Variants in SCFD2 observed in about 807,000 individuals in gnomAD.
SCFD2 encodes sec1 family domain containing 2, also known as sec1 family domain-containing protein 2.
A neutral mutation model predicts 58.9 loss-of-function variants in SCFD2; 54 were observed. The observed-to-expected ratio is 0.92, with a 90% CI of 0.74 to 1.15. The LOEUF (loss-of-function observed/expected upper bound fraction) is 1.15, where lower values mean the gene tolerates loss of function less well. Ranked by LOEUF, SCFD2 falls within the 50% of genes most tolerant of loss-of-function variation. SCFD2 has a pLI of 0.00. For missense variants in SCFD2, 805 were observed against 836.6 expected (o/e 0.96, Z 0.47); for synonymous variants, 321 against 335.9 (o/e 0.96, Z 0.49).
chr4:53,025,593 A>C (rs896791851), intron 5 of SCFD2, among the ~76,000 whole-genome samples: 3 of 152,210 alleles, frequency 2.0e-5, no homozygotes, highest in African/African-American at 7.2e-5. Context: ...ATGCCATCTC[A>C]GCATGTTCTG....
rs766855803 is a variant in SCFD2 at position 53,365,855 on chromosome 4, G to A, written c.87C>T (p.Asp29=). ...AKVKRAVVYL[D]AACAESLHWG... ...AGTGCAGGCTCTCGGCGCAGGCGGC[G>A]TCCAGGTAAACCACAGCCCGTTTCA... is the stretch of plus-strand genomic sequence containing the variant. Residue 29 remains aspartate, a synonymous_variant, in exon 1 of 9, where the codon GAC becomes GAT. Coordinates refer to ENST00000401642, the MANE Select transcript of SCFD2 (RefSeq NM_152540.4). The surrounding 1 kb of genome is among the most constrained non-coding windows in gnomAD (Gnocchi z 4.3). 34 of 1,612,352 alleles carry A rather than the reference G, an allele frequency of 2.1e-5. No individual in the cohort carries two copies. The highest frequency in any genetic ancestry group is 1.6e-4 in the Middle Eastern group (1 of 6,080).
intron 7 of SCFD2, among the ~76,000 whole-genome samples, chr4:52,899,464 G>C (rs945488878): frequency 3.9e-5 from 6 of 152,206 alleles, no homozygotes; most frequent in Non-Finnish European, 8.8e-5. Context: ...CTTTAAGAAT[G>C]TTGAATACTG....
intron 4 of SCFD2, 134 bp downstream of exon 4, chr4:53,273,692 C>T: frequency 1.3e-6 from 1 of 751,478 alleles, no homozygotes; most frequent in Non-Finnish European, 2.0e-6. Context: ...AACTAGGGGG[C>T]ACTTAGAGAA....
At chr4:53,166,851 A>G (rs1727024110) in intron 4 of SCFD2, among the ~76,000 whole-genome samples, 1 of 146,076 alleles carries the variant, frequency 6.8e-6, no homozygotes, top group South Asian at 2.2e-4. Context: ...AAAAAAAAGG[A>G]CTCCACATAC....
chr4:53,263,551 G>T (rs1444946212), intron 4 of SCFD2, among the ~76,000 whole-genome samples: 1 of 152,200 alleles, frequency 6.6e-6, no homozygotes, highest in East Asian at 1.9e-4. Context: ...GAGCTACAAG[G>T]TTTCAGGCTG....
At chr4:52,955,354 T>C (rs1720686669) in intron 5 of SCFD2, among the ~76,000 whole-genome samples, 1 of 152,208 alleles carries the variant, frequency 6.6e-6, no homozygotes, top group African/African-American at 2.4e-5. Context: ...AAGACTATAA[T>C]ATAAGAAACA....
chr4:53,201,420 A>G (rs1323542772), intron 4 of SCFD2, among the ~76,000 whole-genome samples: 3 of 152,132 alleles, frequency 2.0e-5, no homozygotes, highest in Non-Finnish European at 4.4e-5. Context: ...AATCCAGTCT[A>G]TCATTGTTGG....
At chr4:53,324,815 A>T (rs1478320308) in intron 2 of SCFD2, among the ~76,000 whole-genome samples, 1 of 152,160 alleles carries the variant, frequency 6.6e-6, no homozygotes, top group Non-Finnish European at 1.5e-5. Context: ...TGCATATGAG[A>T]GGCTCATTCC....
At chr4:53,022,935 T>C (rs1193398285) in intron 5 of SCFD2, among the ~76,000 whole-genome samples, 2 of 152,162 alleles carry the variant, frequency 1.3e-5, no homozygotes, top group East Asian at 1.9e-4. Context: ...AATGAATGAA[T>C]GGGGCGCCAA....
chr4:53,250,090 A>G (rs1311936280), intron 4 of SCFD2, among the ~76,000 whole-genome samples: 1 of 152,220 alleles, frequency 6.6e-6, no homozygotes, highest in Non-Finnish European at 1.5e-5. Context: ...GGCTCAAAAT[A>G]AAAGGATGGA....
At chr4:52,968,777 T>C (rs1454387598) in intron 5 of SCFD2, among the ~76,000 whole-genome samples, 1 of 152,072 alleles carries the variant, frequency 6.6e-6, no homozygotes, top group Non-Finnish European at 1.5e-5. Flanking sequence ...TATGTATATG[T>C]GTGTGTTGTG....
At position 52,944,450 on chromosome 4, in the gene SCFD2, G is replaced by T. The variant is rs1033612550; in HGVS notation, c.1562-23580C>A. Among the ~76,000 whole-genome samples, 4 of 152,224 alleles carry T rather than the reference G, an allele frequency of 2.6e-5. No individual in the cohort carries two copies. In the South Asian group the frequency reaches 8.3e-4, roughly 32 times the overall value. Reference sequence around the variant, plus strand: ...ACAAGTAGGGTTAAAACCACTAAAGGAAGAGACCATAAGACAGAAAAAGAT... The same window carrying T: ...ACAAGTAGGGTTAAAACCACTAAAGTAAGAGACCATAAGACAGAAAAAGAT... On this transcript the variant is annotated intron_variant, in intron 5 of 8. Transcript: ENST00000401642.
At chr4:53,176,071 C>T (rs368255355) in intron 4 of SCFD2, among the ~76,000 whole-genome samples, 2 of 152,076 alleles carry the variant, frequency 1.3e-5, no homozygotes, top group East Asian at 3.9e-4. Context: ...TTTTACAAAA[C>T]AGTCTCATTC....
At chr4:53,078,261 A>T (rs1724041194) in intron 5 of SCFD2, among the ~76,000 whole-genome samples, 3 of 152,212 alleles carry the variant, frequency 2.0e-5, no homozygotes, top group Non-Finnish European at 4.4e-5. Context: ...AACCCAGTCT[A>T]TATCTCCCAA....
At position 52,941,593 on chromosome 4, in the gene SCFD2, C is replaced by T. The variant is rs180816453; in HGVS notation, c.1562-20723G>A. Among the ~76,000 whole-genome samples the T allele has an allele frequency of 6.2e-4, 94 of 152,324 alleles. No homozygotes were observed. The South Asian group carries it at 9.1e-3, about 15-fold the overall frequency. On this transcript the variant is annotated intron_variant, in intron 5 of 8. Coordinates refer to ENST00000401642, the MANE Select transcript of SCFD2 (RefSeq NM_152540.4). Reference sequence around the variant, plus strand: ...CATTGGACAGCGAGTATTGGGAAGCCAGACACTCACTCCGGTTCACTTATC... The same window carrying T: ...CATTGGACAGCGAGTATTGGGAAGCTAGACACTCACTCCGGTTCACTTATC...
At chr4:53,136,645 A>G (rs1725951570) in intron 5 of SCFD2, among the ~76,000 whole-genome samples, 1 of 152,228 alleles carries the variant, frequency 6.6e-6, no homozygotes, top group Non-Finnish European at 1.5e-5. Context: ...AGTTCATATT[A>G]CAGATACATT....
chr4:53,212,471 A>AAAAAAAAT (rs1553887105), intron 4 of SCFD2, among the ~76,000 whole-genome samples: 6 of 148,030 alleles, frequency 4.1e-5, no homozygotes, highest in South Asian at 2.1e-4. Context: ...AAGAAAGCAA[A>AAAAAAAAT]AAATAAATAA....
At chr4:53,236,856 T>A (rs1207191842) in intron 4 of SCFD2, among the ~76,000 whole-genome samples, 10 of 150,476 alleles carry the variant, frequency 6.6e-5, no homozygotes, top group African/African-American at 1.9e-4. Context: ...TTATTTATTT[T>A]TTATTGATAA....
At chr4:53,292,057 C>T (rs1731858779) in intron 3 of SCFD2, among the ~76,000 whole-genome samples, 1 of 150,532 alleles carries the variant, frequency 6.6e-6, no homozygotes, top group Admixed American at 6.6e-5. Context: ...ATGTAAAACC[C>T]AAAACTATAA....
Sources: allele counts gnomAD v4.1 joint callset (sites outside exome capture counted in the v4.1 genomes callset), GRCh38; gene constraint gnomAD v4.1.1; non-coding constraint Gnocchi (gnomAD v3.1); transcripts MANE v1.5; gene names NCBI Gene and HGNC (gene_info 2026-07-23, HGNC 2026-07-21).